Variants in DGKB observed in about 807,000 individuals in gnomAD.
DGKB encodes diacylglycerol kinase beta, also known as 90 kDa diacylglycerol kinase.
In DGKB, 67 loss-of-function variants were observed where a neutral mutation model predicts 114.3. The observed-to-expected ratio is 0.59, with a 90% confidence interval of 0.48 to 0.72. The LOEUF is 0.72. Ranked by LOEUF, DGKB falls within the 30% of genes least tolerant of loss-of-function variation. The pLI is 0.00. For synonymous variants in DGKB, 398 were observed against 323.1 expected (o/e 1.23, Z -2.49); for missense variants, 907 against 975.2 (o/e 0.93, Z 0.93).
At chr7:14,149,751 C>G (rs948088502) in intron 25 of DGKB, among the ~76,000 whole-genome samples, 1 of 150,498 alleles carries the variant, frequency 6.6e-6, no homozygotes, top group African/African-American at 2.5e-5. Context: ...TCCAAACAGT[C>G]ATTAGAAATG....
chr7:14,695,043 T>C (rs561067590), intron 8 of DGKB, among the ~76,000 whole-genome samples: 7 of 152,102 alleles, frequency 4.6e-5, no homozygotes, highest in Non-Finnish European at 1.0e-4. Flanking sequence ...GTTAATCAAT[T>C]TGGAAAAAAG....
chr7:14,704,120 T>C (rs992471910), intron 6 of DGKB, among the ~76,000 whole-genome samples: 9 of 151,820 alleles, frequency 5.9e-5, no homozygotes, highest in African/African-American at 2.2e-4. Context: ...TTCTTTTGAA[T>C]TGAATTGAAT....
intron 20 of DGKB, among the ~76,000 whole-genome samples, chr7:14,562,902 A>C (rs1441768294): frequency 6.6e-6 from 1 of 152,084 alleles, no homozygotes; most frequent in African/African-American, 2.4e-5. Flanking sequence ...TGAGGATAGG[A>C]GATTTGGGAG....
chr7:14,519,819 C>G (rs1235937608), intron 20 of DGKB, among the ~76,000 whole-genome samples: 1 of 151,606 alleles, frequency 6.6e-6, no homozygotes, highest in Non-Finnish European at 1.5e-5. Flanking sequence ...TTGATCACAT[C>G]TTCATTTTCT....
intron 20 of DGKB, among the ~76,000 whole-genome samples, chr7:14,521,605 A>C (rs1026657906): frequency 1.8e-4 from 28 of 152,150 alleles, no homozygotes; most frequent in Admixed American, 1.8e-3. Flanking sequence ...CAGTTGTTTA[A>C]TTTAAAGTAA....
intron 5 of DGKB, among the ~76,000 whole-genome samples, chr7:14,720,936 T>TA (rs1829069332): frequency 6.6e-6 from 1 of 151,812 alleles, no homozygotes; most frequent in South Asian, 2.1e-4. Flanking sequence ...CAACTTATGA[T>TA]AAAAAACATT....
chr7:14,407,535 A>G (rs1371361172), intron 21 of DGKB, among the ~76,000 whole-genome samples: 1 of 152,158 alleles, frequency 6.6e-6, no homozygotes, highest in Non-Finnish European at 1.5e-5. Context: ...TCTTATTGAG[A>G]GTGACAGTAC....
intron 13 of DGKB, among the ~76,000 whole-genome samples, chr7:14,641,809 T>A (rs1431454738): frequency 6.6e-6 from 1 of 152,138 alleles, no homozygotes; most frequent in African/African-American, 2.4e-5. Flanking sequence ...TTTTTATTAC[T>A]CTTCGTTTTT....
intron 23 of DGKB, among the ~76,000 whole-genome samples, chr7:14,224,060 T>C (rs936358431): frequency 6.6e-6 from 1 of 151,858 alleles, no homozygotes; most frequent in African/African-American, 2.4e-5. Flanking sequence ...TTACTAGATA[T>C]GTATATTAAT....
At chr7:14,175,172 T>C (rs1781542207) in intron 25 of DGKB, among the ~76,000 whole-genome samples, 1 of 152,238 alleles carries the variant, frequency 6.6e-6, no homozygotes, top group Admixed American at 6.5e-5. Flanking sequence ...ATCTACTTCA[T>C]ACCTGCCCTT....
chr7:14,623,083 A>G (rs1563708768), intron 14 of DGKB, among the ~76,000 whole-genome samples: 1 of 152,222 alleles, frequency 6.6e-6, no homozygotes, highest in Non-Finnish European at 1.5e-5. Context: ...CAGATCCTAA[A>G]TCAGTGACTA....
intron 23 of DGKB, among the ~76,000 whole-genome samples, chr7:14,337,259 G>A (rs752483770): frequency 7.3e-5 from 11 of 151,416 alleles, no homozygotes; most frequent in South Asian, 2.1e-4. Flanking sequence ...CATATAGCAC[G>A]AACCTCATTT....
intron 23 of DGKB, among the ~76,000 whole-genome samples, chr7:14,213,047 T>C (rs1788387850): frequency 6.6e-6 from 1 of 152,036 alleles, no homozygotes; most frequent in Admixed American, 6.6e-5. Flanking sequence ...TTTTTGTCTA[T>C]TCTTATACTC....
chr7:14,292,263 G>A (rs1801887879), intron 23 of DGKB, among the ~76,000 whole-genome samples: 1 of 152,050 alleles, frequency 6.6e-6, no homozygotes, highest in Admixed American at 6.6e-5. Context: ...GATTATTTAT[G>A]TCATCTTTTC....
In DGKB at chr7:14,149,000, A is replaced by G. The variant is rs1248534894; in HGVS notation, c.*131T>C. On this transcript the variant is annotated 3_prime_UTR_variant, in exon 26 of 26. Transcript: ENST00000402815. ...TAGCTGAATTTTACATTAGCTTAGT[A>G]ACAAAAACTGTTAAACCACTTCCAT... 3 of 775,244 alleles carry G rather than the reference A, an allele frequency of 3.9e-6. No individual in the cohort carries two copies. The highest frequency in any genetic ancestry group is 2.4e-5 in the Admixed American group (1 of 40,890). The allele number at this position is 775,244 out of a possible 1,614,324, so 48.0% of individuals were successfully genotyped here. A position where few individuals can be genotyped will look rare whatever the true frequency, so the allele number is the denominator to read the frequency against.
At chr7:14,393,199 C>T (rs1821679636) in intron 21 of DGKB, among the ~76,000 whole-genome samples, 1 of 151,542 alleles carries the variant, frequency 6.6e-6, no homozygotes, top group Non-Finnish European at 1.5e-5. Flanking sequence ...CCGTGTAAGC[C>T]AGGATGGTCT....
At chr7:14,964,987 TGAGTAGTGAAAAAAGCAGAGGTAGAGGGA>T in intron 1 of DGKB, among the ~76,000 whole-genome samples, 1 of 152,158 alleles carries the variant, frequency 6.6e-6, no homozygotes, top group Non-Finnish European at 1.5e-5. Flanking sequence ...TGACTAGATC[TGAGTAGTGAAAAAAGCAGAGGTAGAGGGA>T]ATGGATTCAC....
chr7:14,204,783 T>C (rs1446264309), intron 23 of DGKB, among the ~76,000 whole-genome samples: 2 of 151,986 alleles, frequency 1.3e-5, no homozygotes, highest in African/African-American at 2.4e-5. Context: ...GCCACGAGTA[T>C]GGGAAGAGAA....
chr7:14,208,942 T>C (rs1002589538), intron 23 of DGKB: 1 of 151,960 alleles, frequency 6.6e-6, no homozygotes, highest in Non-Finnish European at 1.5e-5. Context: ...CTCCTCTTCT[T>C]TCCACTCCAT....
Sources: allele counts gnomAD v4.1 joint callset (sites outside exome capture counted in the v4.1 genomes callset), GRCh38; gene constraint gnomAD v4.1.1; transcripts MANE v1.5; gene names NCBI Gene and HGNC (gene_info 2026-07-23, HGNC 2026-07-21).